PDE4D: variants seen among roughly 807,000 people sequenced by gnomAD.
The protein encoded by PDE4D is phosphodiesterase 4D.
A neutral mutation model predicts 87.4 loss-of-function variants in PDE4D; 24 were observed. The observed-to-expected ratio is 0.27, with a 90% CI of 0.20 to 0.39. The LOEUF (loss-of-function observed/expected upper bound fraction) is 0.39, where lower values mean the gene tolerates loss of function less well. Among genes scored for constraint, PDE4D ranks in the 10% least tolerant of loss-of-function variants. The pLI is 1.00. For missense variants in PDE4D, 714 were observed against 1,041.0 expected (o/e 0.69, Z 4.32); for synonymous variants, 384 against 383.2 (o/e 1.00, Z -0.02).
At chr5:60,465,325 A>G (rs1747267849) in intron 1 of PDE4D, among the ~76,000 whole-genome samples, 1 of 152,164 alleles carries the variant, frequency 6.6e-6, no homozygotes, top group South Asian at 2.1e-4. Context: ...AGTTAGTTTA[A>G]AAGTGAGACT....
At chr5:60,183,820 C>A (rs1718713479) in intron 2 of PDE4D, among the ~76,000 whole-genome samples, 1 of 152,104 alleles carries the variant, frequency 6.6e-6, no homozygotes, top group African/African-American at 2.4e-5. Context: ...TATGCTCAGA[C>A]CAGAGCAAAA....
At chr5:60,495,528 A>G (rs886855920) in intron 1 of PDE4D, among the ~76,000 whole-genome samples, 3 of 152,242 alleles carry the variant, frequency 2.0e-5, no homozygotes, top group Non-Finnish European at 2.9e-5. Context: ...TCATTGAGAT[A>G]GTGCATGCAG....
chr5:59,343,320 T>A (rs1171135014), intron 1 of PDE4D, among the ~76,000 whole-genome samples: 1 of 152,112 alleles, frequency 6.6e-6, no homozygotes, highest in Non-Finnish European at 1.5e-5. Context: ...ATTTCCCCAA[T>A]CCCTCCTGTT....
chr5:60,509,587 AT>A (rs1484167301), intron 1 of PDE4D, among the ~76,000 whole-genome samples: 1 of 151,930 alleles, frequency 6.6e-6, no homozygotes, highest in African/African-American at 2.4e-5. Context: ...GACTCCTAGG[AT>A]TTTTTCTCTC....
chr5:59,611,909 T>C (rs1423863324), intron 1 of PDE4D, among the ~76,000 whole-genome samples: 3 of 152,224 alleles, frequency 2.0e-5, no homozygotes, highest in Non-Finnish European at 4.4e-5. Context: ...CTTACTCTGA[T>C]GCTATTTAGA....
intron 1 of PDE4D, among the ~76,000 whole-genome samples, chr5:59,466,769 C>T (rs769389255): frequency 5.9e-5 from 9 of 152,098 alleles, no homozygotes. Flanking sequence ...CAATCCTTAT[C>T]CTTGATGAAC....
chr5:59,970,063 A>G (rs1760533193), intron 3 of PDE4D, among the ~76,000 whole-genome samples: 1 of 152,154 alleles, frequency 6.6e-6, no homozygotes, highest in Non-Finnish European at 1.5e-5. Flanking sequence ...TTTCCTCACG[A>G]TTGTCTTCAA....
At chr5:58,978,456 G>A (rs1373198284) in intron 11 of PDE4D, among the ~76,000 whole-genome samples, 1 of 152,026 alleles carries the variant, frequency 6.6e-6, no homozygotes, top group Non-Finnish European at 1.5e-5. Context: ...AAAAGCACAG[G>A]TATTTGATCT....
chr5:60,455,623 G>A (rs1182373599), intron 1 of PDE4D, among the ~76,000 whole-genome samples: 3 of 152,110 alleles, frequency 2.0e-5, no homozygotes, highest in African/African-American at 7.2e-5. Context: ...TTACAGTCCA[G>A]TATTCAAGGA....
chr5:60,370,829 G>A (rs1314436360), intron 1 of PDE4D, among the ~76,000 whole-genome samples: 2 of 149,766 alleles, frequency 1.3e-5, no homozygotes, highest in African/African-American at 2.4e-5. Context: ...GAGAGAAAAT[G>A]AGAGAGAGAG....
At chr5:59,616,837 A>C (rs72769745) in intron 1 of PDE4D, among the ~76,000 whole-genome samples, 38 of 148,732 alleles carry the variant, frequency 2.6e-4, no homozygotes, top group Admixed American at 2.2e-3. Context: ...AAGGATATCT[A>C]TATATATCTA....
At chr5:60,286,152 A>C (rs1752396361) in intron 1 of PDE4D, among the ~76,000 whole-genome samples, 1 of 152,212 alleles carries the variant, frequency 6.6e-6, no homozygotes, top group South Asian at 2.1e-4. Context: ...CAACCCGGGA[A>C]ACATGATAAT....
intron 1 of PDE4D, among the ~76,000 whole-genome samples, chr5:59,771,170 G>T (rs2152602399): frequency 7.5e-6 from 1 of 132,560 alleles, no homozygotes; most frequent in South Asian, 2.4e-4. Context: ...TAAATAAAAA[G>T]GTTAGCTTGA....
chr5:60,086,711 T>C (rs1347589813), intron 2 of PDE4D, among the ~76,000 whole-genome samples: 2 of 152,256 alleles, frequency 1.3e-5, no homozygotes, highest in African/African-American at 2.4e-5. Context: ...AGGAGAAATG[T>C]TCAATCTCCC....
chr5:59,369,051 A>C (rs1042786351), intron 1 of PDE4D, among the ~76,000 whole-genome samples: 1 of 152,244 alleles, frequency 6.6e-6, no homozygotes, highest in Non-Finnish European at 1.5e-5. Context: ...TGTAAATGCA[A>C]ATTCAAGACA....
intron 1 of PDE4D, among the ~76,000 whole-genome samples, chr5:60,358,892 A>G (rs946941086): frequency 2.0e-5 from 3 of 152,200 alleles, no homozygotes; most frequent in Non-Finnish European, 4.4e-5. Context: ...TTCACTGTAG[A>G]AGGACAAACA....
Position 60,460,398 on chromosome 5 carries a change from C to G in PDE4D, c.-90+27544G>C, listed in dbSNP as rs190282719. The G allele has an allele frequency of 3.3e-3, 3,518 of 1,077,124 alleles. 109 individuals are homozygous for G. In the Admixed American group the frequency reaches 0.057, roughly 17 times the overall value. 66.7% of individuals were successfully genotyped at this position (1,077,124 alleles called of 1,614,324 possible). A position where few individuals can be genotyped will look rare whatever the true frequency, so the allele number is the denominator to read the frequency against. ...CAACTCTGCTCAAATAATGCAGTGC[C>G]TCTTCATCCTCCTCCAGCAGGGCAG... On this transcript the variant is annotated intron_variant, in intron 1 of 16. Transcript: ENST00000502484.
In PDE4D at chr5:59,346,593, T is replaced by C. The variant is rs1443095948; in HGVS notation, c.456-130625A>G. Among the ~76,000 whole-genome samples the C allele has an allele frequency of 3.3e-5, 5 of 152,250 alleles. No individual in the cohort carries two copies. In the East Asian group the frequency reaches 7.7e-4, roughly 24 times the overall value. On this transcript the variant is annotated intron_variant, in intron 1 of 14. Transcript: ENST00000340635. Reference sequence around the variant, plus strand: ...TCCCTAAGGTTTATGTTGTCTCAGTTTACACGGATTTGCTTTAGGAAAAAA... The same window carrying C: ...TCCCTAAGGTTTATGTTGTCTCAGTCTACACGGATTTGCTTTAGGAAAAAA...
At chr5:59,200,298 T>G (rs62643462) in intron 2 of PDE4D, among the ~76,000 whole-genome samples, 2 of 115,622 alleles carry the variant, frequency 1.7e-5, no homozygotes, top group Admixed American at 7.9e-5. Flanking sequence ...TACATACATA[T>G]GTGTATGTAC....
Sources: allele counts gnomAD v4.1 joint callset (sites outside exome capture counted in the v4.1 genomes callset), GRCh38; gene constraint gnomAD v4.1.1; transcripts MANE v1.5; gene names NCBI Gene and HGNC (gene_info 2026-07-23, HGNC 2026-07-21).